The following EIF3H variants were observed in gnomAD, a reference collection of about 807,000 sequenced individuals.
EIF3H encodes the protein eIF-3-gamma.
In EIF3H, 26 loss-of-function variants were observed where a neutral mutation model predicts 44.2. The observed-to-expected ratio is 0.59, with a 90% CI of 0.43 to 0.82. EIF3H has a LOEUF of 0.82. Ranked by LOEUF, EIF3H falls within the 40% of genes least tolerant of loss-of-function variation. The pLI is 0.00. For missense variants in EIF3H, 359 were observed against 432.8 expected, an observed-to-expected ratio of 0.83 and a Z score of 1.51; for synonymous variants, 166 against 151.9, an observed-to-expected ratio of 1.09 and a Z score of -0.68.
chr8:116,658,892 G>A lies in EIF3H; in HGVS notation c.378C>T (p.Gly126=), dbSNP rs755336638. The A allele has an allele frequency of 5.6e-6, 9 of 1,613,854 alleles. No homozygotes were observed. In the African/African-American group the frequency reaches 8.0e-5, roughly 14 times the overall value. ...HVGWYQSTYY[G]SFVTRALLDS... ...CCAGGAGTGCCCGGGTAACGAATGA[G>A]CCATAGTATGTGGACTGATACCAGC... The change falls in exon 3 of 8, where the codon GGC becomes GGT. Residue 126 remains glycine, a synonymous_variant. Transcript: ENST00000521861.
intron 5 of EIF3H, among the ~76,000 whole-genome samples, chr8:116,653,128 C>T (rs1813424796): frequency 6.6e-6 from 1 of 151,932 alleles, no homozygotes; most frequent in Admixed American, 6.6e-5. Flanking sequence ...TACACCTAGA[C>T]CTTAAATCTT....
At chr8:116,650,001 A>C (rs1172841355) in intron 5 of EIF3H, among the ~76,000 whole-genome samples, 1 of 152,228 alleles carries the variant, frequency 6.6e-6, no homozygotes, top group East Asian at 1.9e-4. Flanking sequence ...GCTAGAGCAC[A>C]GGGATTAGGT....
chr8:116,648,802 C>A lies in EIF3H; in HGVS notation c.828+4G>T. 1 of 1,593,478 alleles carries A rather than the reference C, an allele frequency of 6.3e-7. No individual in the cohort carries two copies. Among genetic ancestry groups the A allele is most frequent in the Non-Finnish European group, 8.5e-7 (1 of 1,170,756 alleles). On this transcript the variant is annotated splice_donor_region_variant and intron_variant, in intron 6 of 7. Coordinates refer to ENST00000521861, the MANE Select transcript of EIF3H (RefSeq NM_003756.3). ...TGTTTGTTGAATTTTTCCACAATAC[C>A]AACCTGATGTTTCTGCTGCTGTTGT...
At chr8:116,645,224 G>C in intron 7 of EIF3H, 121 bp from the exon 8 acceptor site, 1 of 728,178 alleles carries the variant, frequency 1.4e-6, no homozygotes, top group Non-Finnish European at 2.3e-6. Context: ...TTTGAATCCA[G>C]AGTTTATTTT....
At chr8:116,656,443 A>G (rs1041801492) in intron 4 of EIF3H, among the ~76,000 whole-genome samples, 18 of 152,212 alleles carry the variant, frequency 1.2e-4, no homozygotes, top group African/African-American at 4.1e-4. Context: ...GCAGAACACA[A>G]GGAGACTCCA....
intron 2 of EIF3H, among the ~76,000 whole-genome samples, chr8:116,705,216 T>C (rs1191880420): frequency 2.0e-5 from 3 of 152,104 alleles, no homozygotes; most frequent in Non-Finnish European, 4.4e-5. Context: ...TAAAAAGTTA[T>C]AGATAAAGGC....
chr8:116,709,516 A>G lies in EIF3H; in HGVS notation c.289+16500T>C, dbSNP rs148983999. Among the ~76,000 whole-genome samples the G allele has an allele frequency of 1.9e-3, 290 of 152,346 alleles. 1 individual carries two copies. The highest frequency in any genetic ancestry group is 6.8e-3 in the African/African-American group (283 of 41,592). ...GCACGTATGCAAAAAGAACTATTGT[A>G]CAAATTTTTGAAATTCAAGTAAGAG... On this transcript the variant is annotated intron_variant, in intron 2 of 7. Transcript: ENST00000521861.
intron 1 of EIF3H, among the ~76,000 whole-genome samples, chr8:116,735,584 G>A (rs1268839254): frequency 2.0e-5 from 3 of 152,122 alleles, no homozygotes; most frequent in Non-Finnish European, 4.4e-5. Context: ...GACGACAAGT[G>A]TTTTAGAGTT....
chr8:116,747,948 A>G (rs1461848610), intron 1 of EIF3H, among the ~76,000 whole-genome samples: 1 of 152,130 alleles, frequency 6.6e-6, no homozygotes, highest in Non-Finnish European at 1.5e-5. Flanking sequence ...CGTCTCTACT[A>G]TAAATACAAA....
chr8:116,672,731 T>C (rs1813777762), intron 2 of EIF3H, among the ~76,000 whole-genome samples: 1 of 152,120 alleles, frequency 6.6e-6, no homozygotes, highest in African/African-American at 2.4e-5. Context: ...ACAAGATTTC[T>C]AGTCTAAAGA....
intron 1 of EIF3H, among the ~76,000 whole-genome samples, chr8:116,752,068 A>G (rs1416890740): frequency 1.3e-5 from 2 of 152,214 alleles, no homozygotes; most frequent in Non-Finnish European, 2.9e-5. Flanking sequence ...GGAAAGGAGT[A>G]AGTGGCCTAA....
At chr8:116,697,218 C>T (rs570938038) in intron 2 of EIF3H, 30 of 456,122 alleles carry the variant, frequency 6.6e-5, no homozygotes, top group South Asian at 4.6e-4. Flanking sequence ...TGACAGATCA[C>T]CCCAAAGGAA....
chr8:116,645,232 T>G (rs1046323543), intron 7 of EIF3H, 129 bp from the exon 8 acceptor site: 2 of 689,344 alleles, frequency 2.9e-6, no homozygotes, highest in Non-Finnish European at 5.0e-6. Flanking sequence ...CAGAGTTTAT[T>G]TTTCCATAAG....
chr8:116,646,550 G>A lies in EIF3H; in HGVS notation c.882C>T (p.Pro294=), dbSNP rs918432051. 1 of 1,614,128 alleles carries A rather than the reference G, an allele frequency of 6.2e-7. No individual in the cohort carries two copies. Among genetic ancestry groups the A allele is most frequent in the South Asian group, 1.1e-5 (1 of 91,076 alleles). ...TGGACAGGTCCTCCTCAGGGAGCGG[G>A]GGTTCTCCTCGGCTCTGGCGCTGCA... ...ENMQRQSRGE[P]PLPEEDLSKL... is the part of the protein sequence containing the mutation. The change falls in exon 7 of 8, where the codon CCC becomes CCT. Residue 294 remains proline, a synonymous_variant. Coordinates refer to ENST00000521861, the MANE Select transcript of EIF3H (RefSeq NM_003756.3).
At chr8:116,649,790 G>A (rs974025335) in intron 5 of EIF3H, among the ~76,000 whole-genome samples, 21 of 152,228 alleles carry the variant, frequency 1.4e-4, no homozygotes, top group Non-Finnish European at 2.1e-4. Flanking sequence ...GATTAGGGAT[G>A]GAGGAGAAAG....
chr8:116,715,762 C>T (rs971209229), intron 2 of EIF3H, among the ~76,000 whole-genome samples: 9 of 152,052 alleles, frequency 5.9e-5, no homozygotes, highest in African/African-American at 2.2e-4. Context: ...GTATCTGAAT[C>T]TTATAAGATG....
chr8:116,661,840 T>C (rs1480005133), intron 2 of EIF3H, among the ~76,000 whole-genome samples: 1 of 152,066 alleles, frequency 6.6e-6, no homozygotes, highest in African/African-American at 2.4e-5. Flanking sequence ...CTGATAAGGG[T>C]AAGAATGAAA....
At chr8:116,649,015 C>A in intron 5 of EIF3H, 89 bp from the exon 6 acceptor site, 1 of 1,168,142 alleles carries the variant, frequency 8.6e-7, no homozygotes, top group Admixed American at 2.7e-5. Context: ...TGAACTTGAA[C>A]TGGCTTTTGC....
chr8:116,643,386 T>C lies in EIF3H; in HGVS notation c.*1620A>G, dbSNP rs575017157. The stretch of plus-strand genomic sequence containing the variant: ...AAAGATTATCCTAAAGAAATAATTA[T>C]ATATGTGAGCAAGTACTTGGATTCT... On this transcript the variant is annotated 3_prime_UTR_variant, in exon 8 of 8. Transcript: ENST00000521861. The C allele has an allele frequency of 7.2e-5, 11 of 152,214 alleles. No individual in the cohort carries two copies. The highest frequency in any genetic ancestry group is 1.9e-4 in the African/African-American group (8 of 41,456). 9.4% of individuals were successfully genotyped at this position (152,214 alleles called of 1,614,324 possible).
Sources: allele counts gnomAD v4.1 joint callset (sites outside exome capture counted in the v4.1 genomes callset), GRCh38; gene constraint gnomAD v4.1.1; transcripts MANE v1.5; gene names NCBI Gene and HGNC (gene_info 2026-07-23, HGNC 2026-07-21).